CHPF2: variants seen among roughly 807,000 people sequenced by gnomAD.
The protein encoded by CHPF2 is chondroitin polymerizing factor 2.
In CHPF2, 58 loss-of-function variants were observed where a neutral mutation model predicts 63.0. That is an observed-to-expected ratio of 0.92 (90% confidence interval 0.75 to 1.15). The LOEUF (loss-of-function observed/expected upper bound fraction) is 1.15, where lower values mean the gene tolerates loss of function less well. CHPF2 is among the 50% of genes most tolerant of loss of function. CHPF2 has a pLI of 0.00. For missense variants in CHPF2, 1,045 were observed against 1,035.4 expected (o/e 1.01, Z -0.13); for synonymous variants, 442 against 438.0 (o/e 1.01, Z -0.11).
Position 151,232,777 on chromosome 7 carries a change from G to T in CHPF2, c.-1235G>T, listed in dbSNP as rs1386666811. ...GCTCGCGGCCTCGATGCTGTCTCTG[G>T]CGCGGCCTCCGCTCCCGCCGACTGG... On this transcript the variant is annotated 5_prime_UTR_variant, in exon 1 of 4. Transcript: ENST00000035307. The T allele has an allele frequency of 5.3e-6, 8 of 1,504,816 alleles. No individual in the cohort carries two copies. The highest frequency in any genetic ancestry group is 6.2e-6 in the Non-Finnish European group (7 of 1,133,384). 93.2% of individuals were successfully genotyped at this position (1,504,816 alleles called of 1,614,324 possible).
chr7:151,234,313 C>A, intron 1 of CHPF2, 39 bp downstream of exon 1: 1 of 1,439,432 alleles, frequency 6.9e-7, no homozygotes, highest in South Asian at 1.5e-5. Flanking sequence ...AGACACTGGC[C>A]CTGTTTTGGG....
Position 151,235,160 on chromosome 7 carries a change from C to T in CHPF2, c.376C>T (p.His126Tyr), listed in dbSNP as rs35423596. 73 of 1,613,240 alleles carry T rather than the reference C, an allele frequency of 4.5e-5. No homozygotes were observed. The highest frequency in any genetic ancestry group is 1.3e-5 in the African/African-American group (1 of 74,916). Residue 126 changes from histidine to tyrosine, a missense_variant, in exon 2 of 4, where the codon CAT (histidine) becomes TAT (tyrosine). His to Tyr is a moderately conservative substitution (Grantham distance 83). Transcript: ENST00000035307. Reference sequence around the variant, plus strand: ...CGTGGCTGTGAACCGTACGGTGGCCCATCACTTCCCTCGGTTACTCTACTT... The same window carrying T: ...CGTGGCTGTGAACCGTACGGTGGCCTATCACTTCCCTCGGTTACTCTACTT... ...LAVAVNRTVAHHFPRLLYFTG... is the reference protein window; with the variant it reads ...LAVAVNRTVAYHFPRLLYFTG...
rs201628240 is a variant in CHPF2 at position 151,235,237 on chromosome 7, T to C, written c.453T>C (p.His151=). The C allele has an allele frequency of 5.6e-6, 9 of 1,613,242 alleles. No homozygotes were observed. Among genetic ancestry groups the C allele is most frequent in the Non-Finnish European group, 8.5e-7 (1 of 1,179,542 alleles). The part of the protein sequence containing the change: ...RAPAGMQVVS[H]GDERPAWLMS... ...CAGCAGGGATGCAGGTGGTGTCTCATGGGGATGAGCGGCCCGCCTGGCTCA... is the reference window on the plus strand; with the variant it reads ...CAGCAGGGATGCAGGTGGTGTCTCACGGGGATGAGCGGCCCGCCTGGCTCA... Residue 151 remains histidine, a synonymous_variant, in exon 2 of 4, where the codon CAT becomes CAC. Coordinates refer to ENST00000035307, the MANE Select transcript of CHPF2 (RefSeq NM_019015.3).
rs764967022 is a variant in CHPF2, at chr7:151,237,660, A to G, written c.1298A>G (p.Tyr433Cys). The G allele has an allele frequency of 6.2e-6, 10 of 1,613,250 alleles. No individual in the cohort carries two copies. Among genetic ancestry groups the G allele is most frequent in the Middle Eastern group, 1.6e-4 (1 of 6,062 alleles). Residue 433 changes from tyrosine to cysteine, a missense_variant, in exon 4 of 4, where the codon TAT becomes TGT. Transcript: ENST00000035307. Reference sequence around the variant, plus strand: ...CAGAAGCAGCGACTGCTCAACGGCTATCGGCGCTTCGACCCAGCACGGGGC... The same window carrying G: ...CAGAAGCAGCGACTGCTCAACGGCTGTCGGCGCTTCGACCCAGCACGGGGC... ...RFQKQRLLNGYRRFDPARGME... is the reference protein window; with the variant it reads ...RFQKQRLLNGCRRFDPARGME...
chr7:151,233,739 G>A lies in CHPF2; in HGVS notation c.-273G>A. 1 of 1,183,694 alleles carries A rather than the reference G, an allele frequency of 8.4e-7. No individual in the cohort carries two copies. The highest frequency in any genetic ancestry group is 4.5e-5 in the Admixed American group (1 of 22,330). 73.3% of individuals were successfully genotyped at this position (1,183,694 alleles called of 1,614,324 possible). On this transcript the variant is annotated 5_prime_UTR_variant, in exon 1 of 4. Transcript: ENST00000035307. ...GGAAGACAGACCATAATCCCAGTGT[G>A]AGTGAAATTGATTGTTTCATTTATT...
chr7:151,235,853 G>GC (rs1458278799), intron 2 of CHPF2, among the ~76,000 whole-genome samples: 3 of 151,862 alleles, frequency 2.0e-5, no homozygotes, highest in Non-Finnish European at 4.4e-5. Context: ...CTTCTCCCCT[G>GC]CCCCCCTGCC....
rs534798730 is a variant in CHPF2 at position 151,232,605 on chromosome 7, A to G, written c.-1407A>G. 5.0e-4 allele frequency: 323 copies of G among 649,742 alleles called. No individual in the cohort carries two copies. In the African/African-American group the frequency reaches 5.9e-3, roughly 12 times the overall value. 40.2% of individuals were successfully genotyped at this position (649,742 alleles called of 1,614,324 possible). On this transcript the variant is annotated 5_prime_UTR_variant, in exon 1 of 4. Coordinates refer to ENST00000035307, the MANE Select transcript of CHPF2 (RefSeq NM_019015.3). ...CTGCTCCCTGCCAGGCGCGTGCGGG[A>G]CGCCGCTCTTGGTCCCCACGCCTCC...
At chr7:151,235,893 A>T (rs1300914691) in intron 2 of CHPF2, among the ~76,000 whole-genome samples, 1 of 152,102 alleles carries the variant, frequency 6.6e-6, no homozygotes, top group Non-Finnish European at 1.5e-5. Context: ...TCCACACTTC[A>T]GTTATGGCAG....
In CHPF2 at chr7:151,238,254, C is replaced by T; in HGVS notation, c.1892C>T (p.Ser631Leu). 6.2e-7 allele frequency: 1 copy of T among 1,612,812 alleles called. No homozygotes were observed. ...VHFQEFNPAL[S>L]PQRSPPGPPG... ...TTCCAGGAGTTCAATCCTGCCCTGTCACCACAGAGATCACCCCCAGGGCCC... is the reference window on the plus strand; with the variant it reads ...TTCCAGGAGTTCAATCCTGCCCTGTTACCACAGAGATCACCCCCAGGGCCC... The change falls in exon 4 of 4, where the codon TCA becomes TTA. Residue 631 changes from serine (S) to leucine (L), a missense_variant. Transcript: ENST00000035307.
Position 151,233,937 on chromosome 7 carries a change from C to T in CHPF2, c.-75C>T. 1 of 1,433,310 alleles carries T rather than the reference C, an allele frequency of 7.0e-7. No individual in the cohort carries two copies. The highest frequency in any genetic ancestry group is 2.6e-5 in the East Asian group (1 of 38,144). The allele number at this position is 1,433,310 out of a possible 1,614,324, so 88.8% of individuals were successfully genotyped here. A position where few individuals can be genotyped will look rare whatever the true frequency, so the allele number is the denominator to read the frequency against. ...TCTGGTTAAAACTGAAAGCCTACTA[C>T]TGGCCTGGTGCCCATCAATCCATTG... On this transcript the variant is annotated 5_prime_UTR_variant, in exon 1 of 4. Transcript: ENST00000035307.
Position 151,236,578 on chromosome 7 carries a change from A to T in CHPF2, c.999A>T (p.Ile333=). Residue 333 remains isoleucine, a synonymous_variant, in exon 3 of 4, where the codon ATA becomes ATT. Coordinates refer to ENST00000035307, the MANE Select transcript of CHPF2 (RefSeq NM_019015.3). ...AGTTGGAGCGGGCTTACAGTGAAAT[A>T]GAACAACTGCAGGTGAGCTGAAGAG... is the stretch of plus-strand genomic sequence containing the variant. ...ALELERAYSE[I]EQLQAQIRNL... is the part of the protein sequence containing the mutation. 1 of 1,583,450 alleles carries T rather than the reference A, an allele frequency of 6.3e-7. No homozygotes were observed. The highest frequency in any genetic ancestry group is 8.6e-7 in the Non-Finnish European group (1 of 1,160,288).
In CHPF2 at chr7:151,235,087, G is replaced by A; in HGVS notation, c.303G>A (p.Arg101=). 6.3e-7 allele frequency: 1 copy of A among 1,582,786 alleles called. No homozygotes were observed. Among genetic ancestry groups the A allele is most frequent in the Non-Finnish European group, 8.6e-7 (1 of 1,159,956 alleles). Residue 101 remains arginine (R), a synonymous_variant, in exon 2 of 4, where the codon CGG becomes CGA. Coordinates refer to ENST00000035307, the MANE Select transcript of CHPF2 (RefSeq NM_019015.3). ...YIQTELGSRE[R]LLVAVLTSRA... ...AGACAGAGCTGGGCTCCCGTGAGCG[G>A]TTGCTGGTGGCTGTCCTGACCTCCC...
At position 151,233,768 on chromosome 7, in the gene CHPF2, G is replaced by A. The variant is rs149156768; in HGVS notation, c.-244G>A. On this transcript the variant is annotated 5_prime_UTR_variant, in exon 1 of 4. Transcript: ENST00000035307. ...GAAATTGATTGTTTCATTTATTACC[G>A]TTTTGGCTGGGGGTTAGTTCCGACA... 1.5e-4 allele frequency: 179 copies of A among 1,220,580 alleles called. No individual in the cohort carries two copies. Among genetic ancestry groups the A allele is most frequent in the Non-Finnish European group, 1.6e-4 (153 of 981,046 alleles). 75.6% of individuals were successfully genotyped at this position (1,220,580 alleles called of 1,614,324 possible). A position where few individuals can be genotyped will look rare whatever the true frequency, so the allele number is the denominator to read the frequency against.
intron 3 of CHPF2, 30 bp from the exon 4 acceptor site, chr7:151,237,344 C>CT (rs763212868): frequency 1.3e-6 from 2 of 1,537,346 alleles, no homozygotes; most frequent in East Asian, 4.5e-5. Context: ...GGAGCTGGCA[C>CT]TAATGTGAGG....
In CHPF2 at chr7:151,238,329, G is replaced by C. The variant is rs559445545; in HGVS notation, c.1967G>C (p.Arg656Pro). The change falls in exon 4 of 4, where the codon CGG (arginine) becomes CCG (proline). Residue 656 changes from arginine to proline, a missense_variant. Coordinates refer to ENST00000035307, the MANE Select transcript of CHPF2 (RefSeq NM_019015.3). Reference sequence around the variant, plus strand: ...TCCCCTCCTGGTGCTGACCCCTCCCGGGGGGCTCCTATAGGGGGGAGATTT... The same window carrying C: ...TCCCCTCCTGGTGCTGACCCCTCCCCGGGGGCTCCTATAGGGGGGAGATTT... ...PPSPPGADPS[R>P]GAPIGGRFDR... 22 of 1,609,154 alleles carry C rather than the reference G, an allele frequency of 1.4e-5. No individual in the cohort carries two copies. The highest frequency in any genetic ancestry group is 1.3e-4 in the East Asian group (6 of 44,762).
At position 151,233,601 on chromosome 7, in the gene CHPF2, C is replaced by T. The variant is rs956337590; in HGVS notation, c.-411C>T. 1 of 991,082 alleles carries T rather than the reference C, an allele frequency of 1.0e-6. No homozygotes were observed. The highest frequency in any genetic ancestry group is 1.7e-5 in the African/African-American group (1 of 57,472). The allele number at this position is 991,082 out of a possible 1,614,324, so 61.4% of individuals were successfully genotyped here. A position where few individuals can be genotyped will look rare whatever the true frequency, so the allele number is the denominator to read the frequency against. On this transcript the variant is annotated 5_prime_UTR_variant, in exon 1 of 4. Coordinates refer to ENST00000035307, the MANE Select transcript of CHPF2 (RefSeq NM_019015.3). ...TGATGGATCGTGTGCTTTTCCCTTACCTCTTATCACTTGCTGTCATCTGTT... is the reference window on the plus strand; with the variant it reads ...TGATGGATCGTGTGCTTTTCCCTTATCTCTTATCACTTGCTGTCATCTGTT...
Position 151,237,532 on chromosome 7 carries a change from TC to T in CHPF2, c.1173del (p.Lys392SerfsTer62). 2.5e-6 allele frequency: 4 copies of T among 1,613,966 alleles called. No homozygotes were observed. The highest frequency in any genetic ancestry group is 3.4e-6 in the Non-Finnish European group (4 of 1,180,014). On this transcript the variant is annotated frameshift_variant, in exon 4 of 4. Coordinates refer to ENST00000035307, the MANE Select transcript of CHPF2 (RefSeq NM_019015.3). LOFTEE classifies it high-confidence loss of function. The stretch of plus-strand genomic sequence containing the variant: ...ACACCTTCTCCTGTGCAGATGGGGC[TC>T]CCAAGTGCCCACTACAGGGGGCTAG... ...QHTFSCADGAPKCPLQGASRA... is the reference protein window; with the variant it reads ...QHTFSCADGAXKCPLQGASRA...
rs1235198865 is a variant in CHPF2 at position 151,232,552 on chromosome 7, A to G, written c.-1460A>G. The G allele has an allele frequency of 1.5e-5, 8 of 520,576 alleles. No individual in the cohort carries two copies. Among genetic ancestry groups the G allele is most frequent in the East Asian group, 3.6e-5 (1 of 28,098 alleles). 32.2% of individuals were successfully genotyped at this position (520,576 alleles called of 1,614,324 possible). On this transcript the variant is annotated 5_prime_UTR_variant, in exon 1 of 4. Transcript: ENST00000035307. ...CGGCGGAGCCGGCGCCTCAGCGGGC[A>G]CTGGGGTCTGTTCCCCCTTCCCCGT...
chr7:151,238,791 T>C lies in CHPF2; in HGVS notation c.*110T>C, dbSNP rs779833058. 1.2e-5 allele frequency: 19 copies of C among 1,556,792 alleles called. No homozygotes were observed. The highest frequency in any genetic ancestry group is 3.5e-5 in the South Asian group (3 of 84,904). On this transcript the variant is annotated 3_prime_UTR_variant, in exon 4 of 4. Transcript: ENST00000035307. ...GAATTGTTGCTGTATTTTTTAAATA[T>C]GAAAATGTTATTAAACATGTCTTCT... is the stretch of plus-strand genomic sequence containing the variant.
Sources: gnomAD v4.1 joint callset for allele counts (sites outside exome capture counted in the v4.1 genomes callset) on GRCh38, gnomAD v4.1.1 for gene constraint, MANE v1.5 for transcripts, NCBI Gene and HGNC (gene_info 2026-07-23, HGNC 2026-07-21) for gene names.